Variants in NXPE4 observed in about 807,000 individuals in gnomAD.
NXPE4 encodes the protein neurexophilin and PC-esterase domain family member 4, also known as NXPE family member 4.
Under a neutral mutation model 33.3 loss-of-function variants are expected in NXPE4, and 42 were observed. The observed-to-expected ratio is 1.26, with a 90% CI of 0.98 to 1.63. NXPE4 has a LOEUF of 1.63. Among genes scored for constraint, NXPE4 ranks in the 40% most tolerant of loss-of-function variants. The pLI is 0.00. For synonymous variants in NXPE4, 253 were observed against 234.9 expected (o/e 1.08, Z -0.71); for missense variants, 709 against 647.6 (o/e 1.09, Z -1.03).
the NXPE4 span, among the ~76,000 whole-genome samples, chr11:114,636,374 T>C: frequency 7.2e-5 from 11 of 152,080 alleles, no homozygotes; most frequent in African/African-American, 2.7e-4. Flanking sequence ...ATTAGTCTGC[T>C]AGCGGTCTAT....
At chr11:114,587,220 G>T (rs577863622) in intron 2 of NXPE4, among the ~76,000 whole-genome samples, 1 of 152,246 alleles carries the variant, frequency 6.6e-6, no homozygotes, top group East Asian at 1.9e-4. Context: ...CCAAATTTTA[G>T]TCTGAACATG....
chr11:114,621,675 G>A, the NXPE4 span, among the ~76,000 whole-genome samples: 1 of 152,162 alleles, frequency 6.6e-6, no homozygotes, highest in African/African-American at 2.4e-5. Context: ...TGGATAATAA[G>A]TGATGCCTCA....
the NXPE4 span, among the ~76,000 whole-genome samples, chr11:114,667,957 G>C: frequency 1.3e-5 from 2 of 151,866 alleles, no homozygotes; most frequent in Non-Finnish European, 2.9e-5. Context: ...CTAATACACA[G>C]AGGATACAGA....
chr11:114,636,791 C>T, the NXPE4 span, among the ~76,000 whole-genome samples: 9 of 152,188 alleles, frequency 5.9e-5, no homozygotes, highest in Admixed American at 2.0e-4. Flanking sequence ...GTTTCTTAAT[C>T]CTGAGTTCTA....
the NXPE4 span, among the ~76,000 whole-genome samples, chr11:114,655,209 A>G: frequency 6.6e-6 from 1 of 152,176 alleles, no homozygotes; most frequent in African/African-American, 2.4e-5. Context: ...AGTTCCTTGT[A>G]AATGCTGGAT....
At chr11:114,605,381 C>A in the NXPE4 span, among the ~76,000 whole-genome samples, 1 of 151,888 alleles carries the variant, frequency 6.6e-6, no homozygotes, top group East Asian at 1.9e-4. Context: ...ATAAGTATTG[C>A]CTATGGGTAA....
the NXPE4 span, among the ~76,000 whole-genome samples, chr11:114,610,343 A>G: frequency 6.6e-6 from 1 of 151,366 alleles, no homozygotes; most frequent in Non-Finnish European, 1.5e-5. Context: ...GTATGGCCTC[A>G]TGAGTAACCA....
chr11:114,633,238 CAT>C, the NXPE4 span, among the ~76,000 whole-genome samples: 17 of 129,688 alleles, frequency 1.3e-4, no homozygotes, highest in East Asian at 2.1e-4. Flanking sequence ...ATATATGTAA[CAT>C]ATAATATATA....
At chr11:114,621,609 C>A in the NXPE4 span, among the ~76,000 whole-genome samples, 1 of 152,218 alleles carries the variant, frequency 6.6e-6, no homozygotes, top group South Asian at 2.1e-4. Flanking sequence ...TCTAGGGTAA[C>A]CACTGTGACC....
At chr11:114,607,154 T>C in the NXPE4 span, among the ~76,000 whole-genome samples, 1 of 151,870 alleles carries the variant, frequency 6.6e-6, no homozygotes, top group African/African-American at 2.4e-5. Flanking sequence ...TAACCAGTAT[T>C]ACCCACTGGA....
the NXPE4 span, among the ~76,000 whole-genome samples, chr11:114,601,439 A>G: frequency 7.8e-6 from 1 of 128,684 alleles, no homozygotes; most frequent in African/African-American, 2.9e-5. Flanking sequence ...TTTTAAATTT[A>G]TGTATATATT....
At chr11:114,593,681 C>A (rs1203341270) in intron 2 of NXPE4, among the ~76,000 whole-genome samples, 1 of 151,976 alleles carries the variant, frequency 6.6e-6, no homozygotes, top group Admixed American at 6.6e-5. Context: ...GGTATATACC[C>A]AAAATAAAGG....
the NXPE4 span, among the ~76,000 whole-genome samples, chr11:114,618,131 G>A: frequency 1.3e-5 from 2 of 151,912 alleles, no homozygotes; most frequent in African/African-American, 4.8e-5. Flanking sequence ...GGAAACCAGT[G>A]TTACCTGGTG....
chr11:114,661,845 A>C, the NXPE4 span, among the ~76,000 whole-genome samples: 1 of 152,216 alleles, frequency 6.6e-6, no homozygotes. Context: ...ACAGAAAAAA[A>C]ATTAAGATTC....
At chr11:114,641,767 G>A in the NXPE4 span, among the ~76,000 whole-genome samples, 1 of 151,996 alleles carries the variant, frequency 6.6e-6, no homozygotes, top group Non-Finnish European at 1.5e-5. Flanking sequence ...ATTTGATCAA[G>A]GGGAAAAGAA....
the NXPE4 span, among the ~76,000 whole-genome samples, chr11:114,634,881 TTGAAGTCAG>T: frequency 6.6e-6 from 1 of 152,030 alleles, no homozygotes; most frequent in Non-Finnish European, 1.5e-5. Context: ...GTAGTATAGT[TTGAAGTCAG>T]GTAGTGTGAT....
At chr11:114,573,250 C>A (rs1948930133) in intron 5 of NXPE4, among the ~76,000 whole-genome samples, 1 of 152,046 alleles carries the variant, frequency 6.6e-6, no homozygotes, top group Admixed American at 6.6e-5. Flanking sequence ...AAAATAGAAC[C>A]TCCTTAAAGC....
the NXPE4 span, among the ~76,000 whole-genome samples, chr11:114,623,527 T>A: frequency 6.6e-6 from 1 of 152,096 alleles, no homozygotes; most frequent in African/African-American, 2.4e-5. Context: ...CCCTCGTGGA[T>A]AAACACTGTT....
At chr11:114,623,802 C>A in the NXPE4 span, among the ~76,000 whole-genome samples, 1 of 150,752 alleles carries the variant, frequency 6.6e-6, no homozygotes, top group African/African-American at 2.4e-5. Context: ...CTATGGATAA[C>A]AAGAATTGCC....
Sources: gnomAD v4.1 joint callset for allele counts (sites outside exome capture counted in the v4.1 genomes callset) on GRCh38, gnomAD v4.1.1 for gene constraint, MANE v1.5 for transcripts, NCBI Gene and HGNC (gene_info 2026-07-23, HGNC 2026-07-21) for gene names.